The following ADGRA3 variants were observed in gnomAD, a reference collection of about 807,000 sequenced individuals.
ADGRA3 encodes adhesion G protein-coupled receptor A3.
In ADGRA3, 56 loss-of-function variants were observed where a neutral mutation model predicts 119.8. The ratio of observed to expected loss-of-function variants is 0.47; its 90% CI spans 0.38 to 0.58. ADGRA3 has a LOEUF of 0.58. Ranked by LOEUF, ADGRA3 falls within the 20% of genes least tolerant of loss-of-function variation. The pLI is 0.00. For missense variants in ADGRA3, 1,516 were observed against 1,649.0 expected (o/e 0.92, Z 1.40); for synonymous variants, 607 against 623.8 (o/e 0.97, Z 0.40).
chr4:22,435,448 T>G lies in ADGRA3; in HGVS notation c.1306A>C (p.Asn436His). The part of the protein sequence containing the change: ...MFNQMPLNLT[N>H]AVATARQLLA... ...AACTGTCGAGCTGTTGCCACGGCATTGGTAAGATTGAGGGGCATCTACATT... is the reference window on the plus strand; with the variant it reads ...AACTGTCGAGCTGTTGCCACGGCATGGGTAAGATTGAGGGGCATCTACATT... Residue 436 changes from asparagine (N) to histidine (H), a missense_variant, in exon 10 of 19, where the codon AAT becomes CAT. Around this residue, in one of 2 missense-constraint regions of ADGRA3, gnomAD observed 1,088 missense variants for 1,107.1 expected, o/e 0.98. Coordinates refer to ENST00000334304, the MANE Select transcript of ADGRA3 (RefSeq NM_145290.4). The G allele has an allele frequency of 3.7e-6, 6 of 1,602,702 alleles. No homozygotes were observed. Among genetic ancestry groups the G allele is most frequent in the Non-Finnish European group, 5.1e-6 (6 of 1,171,316 alleles).
At chr4:22,455,503 C>T (rs187845574) in intron 3 of ADGRA3, among the ~76,000 whole-genome samples, 1 of 152,210 alleles carries the variant, frequency 6.6e-6, no homozygotes, top group East Asian at 1.9e-4. Flanking sequence ...ATCATTCAGA[C>T]TCCTAGCCAA....
intron 1 of ADGRA3, among the ~76,000 whole-genome samples, chr4:22,509,522 GAAAA>G (rs58633107): frequency 7.5e-6 from 1 of 132,938 alleles, no homozygotes; most frequent in Non-Finnish European, 1.6e-5. Context: ...GAAAAGAAAA[GAAAA>G]AAAAAAAGCA....
intron 16 of ADGRA3, among the ~76,000 whole-genome samples, chr4:22,400,017 A>G (rs1714543806): frequency 6.6e-6 from 1 of 152,164 alleles, no homozygotes; most frequent in African/African-American, 2.4e-5. Context: ...TAGATACTTG[A>G]TAGTCTTTGA....
chr4:22,444,715 T>C (rs1418439659), intron 6 of ADGRA3, among the ~76,000 whole-genome samples: 1 of 152,086 alleles, frequency 6.6e-6, no homozygotes, highest in East Asian at 1.9e-4. Context: ...TGAAAATCTA[T>C]TCTTTGAAAT....
At chr4:22,466,060 C>G (rs1306912340) in intron 2 of ADGRA3, among the ~76,000 whole-genome samples, 1 of 152,116 alleles carries the variant, frequency 6.6e-6, no homozygotes, top group African/African-American at 2.4e-5. Context: ...TCTTTTTAAA[C>G]ACAGACCTGA....
At chr4:22,430,582 C>T (rs1365112177) in intron 10 of ADGRA3, among the ~76,000 whole-genome samples, 1 of 151,922 alleles carries the variant, frequency 6.6e-6, no homozygotes, top group East Asian at 1.9e-4. Context: ...GACTTGAGTG[C>T]CGTAAAGGGC....
In ADGRA3 at chr4:22,435,309, A is replaced by G; in HGVS notation, c.1443+2T>C. On this transcript the variant is annotated splice_donor_variant, in intron 10 of 18. Transcript: ENST00000334304. LOFTEE classifies it high-confidence loss of function. ...GCTACAAATCTGAATTTAGAGAAGT[A>G]CCTCTTTTGATTTTTCCTCCTTGGT... 1 of 1,609,336 alleles carries G rather than the reference A, an allele frequency of 6.2e-7. No individual in the cohort carries two copies. Among genetic ancestry groups the G allele is most frequent in the Non-Finnish European group, 8.5e-7 (1 of 1,176,006 alleles).
chr4:22,413,899 G>A, intron 12 of ADGRA3, 85 bp from the exon 13 acceptor site: 16 of 828,250 alleles, frequency 1.9e-5, no homozygotes, highest in South Asian at 8.8e-5. Flanking sequence ...TTACAAAAGT[G>A]GTATAATTAG....
chr4:22,442,430 T>G (rs1473021966), intron 7 of ADGRA3, among the ~76,000 whole-genome samples: 1 of 152,164 alleles, frequency 6.6e-6, no homozygotes, highest in Non-Finnish European at 1.5e-5. Flanking sequence ...TTTCTAAAGT[T>G]TCTTTGAAAT....
intron 3 of ADGRA3, chr4:22,455,682 A>ATTT (rs1717211750): frequency 2.6e-6 from 1 of 380,880 alleles, no homozygotes; most frequent in Admixed American, 3.9e-5. Context: ...ATCCCTCTTT[A>ATTT]TTTACTTTGC....
At chr4:22,511,895 C>CTTTT (rs5856700) in intron 1 of ADGRA3, among the ~76,000 whole-genome samples, 56,680 of 102,136 alleles carry the variant, frequency 0.55, 16,486 homozygotes, top group Non-Finnish European at 0.62. Flanking sequence ...TTCTTTCTTT[C>CTTTT]TTTTTTTTTT....
At chr4:22,500,415 G>A (rs868814326) in intron 1 of ADGRA3, among the ~76,000 whole-genome samples, 6 of 152,214 alleles carry the variant, frequency 3.9e-5, no homozygotes, top group African/African-American at 1.4e-4. Context: ...TATGCGGGGA[G>A]CATTTGGCAC....
intron 1 of ADGRA3, among the ~76,000 whole-genome samples, chr4:22,504,571 C>A (rs1351875915): frequency 6.6e-6 from 1 of 152,118 alleles, no homozygotes; most frequent in Non-Finnish European, 1.5e-5. Flanking sequence ...CTCTGCTTTA[C>A]CAATAGTCGT....
At chr4:22,421,197 G>A in intron 11 of ADGRA3, 108 bp from the exon 12 acceptor site, 1 of 754,144 alleles carries the variant, frequency 1.3e-6, no homozygotes. Context: ...AAACCAGAAA[G>A]CCCAGGTTCT....
intron 3 of ADGRA3, among the ~76,000 whole-genome samples, chr4:22,459,591 C>G (rs1438636485): frequency 6.6e-6 from 1 of 151,830 alleles, no homozygotes; most frequent in Non-Finnish European, 1.5e-5. Flanking sequence ...CTAAAAGCAG[C>G]CATACCCAGT....
intron 7 of ADGRA3, among the ~76,000 whole-genome samples, chr4:22,441,446 T>C (rs1369995679): frequency 6.6e-6 from 1 of 152,188 alleles, no homozygotes; most frequent in Non-Finnish European, 1.5e-5. Context: ...ACAGTACATA[T>C]TTTAGGCTTT....
At chr4:22,423,033 T>C (rs1715774628) in intron 11 of ADGRA3, among the ~76,000 whole-genome samples, 1 of 151,874 alleles carries the variant, frequency 6.6e-6, no homozygotes, top group Non-Finnish European at 1.5e-5. Flanking sequence ...CCGTCTCTAC[T>C]AAAAATACAA....
rs114456992 is a variant in ADGRA3 at position 22,473,821 on chromosome 4, A to G, written c.280T>C (p.Ser94Pro). Residue 94 changes from serine (S) to proline (P), a missense_variant, in exon 2 of 19, where the codon TCC becomes CCC. Physicochemically the swap from Ser to Pro is moderately conservative, Grantham distance 74. Coordinates refer to ENST00000334304, the MANE Select transcript of ADGRA3 (RefSeq NM_145290.4). ...VTLILSNNKI[S>P]ELKNGSFSGL... ...GAAAATGAGCCATTCTTCAGCTCGG[A>G]TATCTTATTGTTACTCAGAATCCTA... 1.1e-4 allele frequency: 172 copies of G among 1,606,780 alleles called. 1 individual carries two copies. In the African/African-American group the frequency reaches 2.1e-3, roughly 19 times the overall value.
chr4:22,436,646 A>T lies in ADGRA3; in HGVS notation c.1086-5T>A. On this transcript the variant is annotated splice_region_variant and splice_polypyrimidine_tract_variant and intron_variant, in intron 8 of 18. Coordinates refer to ENST00000334304, the MANE Select transcript of ADGRA3 (RefSeq NM_145290.4). ...CCTGCCAATGTTCTGGGCCATCTAG[A>T]GATGAAGACAAAATAGTACAAGAAA... 1 of 1,612,792 alleles carries T rather than the reference A, an allele frequency of 6.2e-7. No individual in the cohort carries two copies. Among genetic ancestry groups the T allele is most frequent in the Non-Finnish European group, 8.5e-7 (1 of 1,178,868 alleles).
Sources: gnomAD v4.1 joint callset for allele counts (sites outside exome capture counted in the v4.1 genomes callset) on GRCh38, gnomAD v4.1.1 for gene constraint, gnomAD v4.1.1 regional missense constraint, MANE v1.5 for transcripts, NCBI Gene and HGNC (gene_info 2026-07-23, HGNC 2026-07-21) for gene names.